CAMKK1: variants seen among roughly 807,000 people sequenced by gnomAD.
The protein encoded by CAMKK1 is calcium/calmodulin-dependent protein kinase kinase 1.
In CAMKK1, 20 loss-of-function variants were observed where a neutral mutation model predicts 63.5. That is an observed-to-expected ratio of 0.32 (90% CI 0.22 to 0.46). The LOEUF (loss-of-function observed/expected upper bound fraction) is 0.46, where lower values mean the gene tolerates loss of function less well. CAMKK1 is among the 20% of genes least tolerant of loss of function. The pLI is 1.00. For missense variants in CAMKK1, 588 were observed against 658.1 expected, an observed-to-expected ratio of 0.89 and a Z score of 1.17; for synonymous variants, 253 against 269.0, an observed-to-expected ratio of 0.94 and a Z score of 0.58.
At chr17:3,881,589 A>T in intron 8 of CAMKK1, 38 bp downstream of exon 8, 9 of 1,559,784 alleles carry the variant, frequency 5.8e-6, no homozygotes, top group Non-Finnish European at 7.8e-6. Context: ...GAAGGCCTGG[A>T]TGAGAATTGA....
chr17:3,862,184 C>T lies in CAMKK1; in HGVS notation c.*27G>A, dbSNP rs557557280. ...TGGAGGCGCGGGATGAGTGTGCTGC[C>T]GGGTGGCCCTGGGTGCATGCAGGGG... On this transcript the variant is annotated 3_prime_UTR_variant, in exon 16 of 16. Coordinates refer to ENST00000348335, the MANE Select transcript of CAMKK1 (RefSeq NM_032294.3). The surrounding 1 kb of genome is among the most constrained non-coding windows in gnomAD (Gnocchi z 4.1). 2.6e-5 allele frequency: 41 copies of T among 1,561,704 alleles called. No individual in the cohort carries two copies. Among genetic ancestry groups the T allele is most frequent in the Non-Finnish European group, 3.2e-5 (37 of 1,152,468 alleles).
In CAMKK1 at chr17:3,889,515, A is replaced by C. The variant is rs577985207; in HGVS notation, c.-44+3424T>G. On this transcript the variant is annotated intron_variant, in intron 1 of 15. Transcript: ENST00000348335. This position sits in a 1 kb window ranked among gnomAD's most constrained non-coding sequence, Gnocchi z 5.2. ...CCTCTTGGAGCCTCTGTTTCCTAAC[A>C]CGTGCATCAAGCAGAAGGCCACTGT... 6.6e-6 allele frequency among the ~76,000 whole-genome samples: 1 copy of C among 152,024 alleles called. No individual in the cohort carries two copies. Among genetic ancestry groups the C allele is most frequent in the Admixed American group, 6.5e-5 (1 of 15,278 alleles).
Position 3,871,479 on chromosome 17 carries a change from C to T in CAMKK1, c.1124+1075G>A, listed in dbSNP as rs554662476. On this transcript the variant is annotated intron_variant, in intron 12 of 15. Coordinates refer to ENST00000348335, the MANE Select transcript of CAMKK1 (RefSeq NM_032294.3). The stretch of plus-strand genomic sequence containing the variant: ...ACGCCGTTCTCCTGCCTCAGCCTCT[C>T]GAGTAGCTGGGACTACAGGCACCCG... 1.1e-4 allele frequency among the ~76,000 whole-genome samples: 17 copies of T among 150,028 alleles called. No individual in the cohort carries two copies. In the South Asian group the frequency reaches 3.4e-3, roughly 30 times the overall value.
At chr17:3,880,960 C>T (rs2055385339) in intron 8 of CAMKK1, among the ~76,000 whole-genome samples, 1 of 152,186 alleles carries the variant, frequency 6.6e-6, no homozygotes, top group Admixed American at 6.5e-5. Flanking sequence ...CTTAAAGGGA[C>T]ACCACTCCCT....
Position 3,869,807 on chromosome 17 carries a change from G to T in CAMKK1, c.1206C>A (p.Asp402Glu). Residue 402 changes from aspartate to glutamate, a missense_variant, in exon 13 of 16, where the codon GAC becomes GAA. Transcript: ENST00000348335. ...AGACCCCCAGTTCCCCGACCTTGAT[G>T]TCTGGCACCCCAATTCTCGTCTCGG... ...KNPETRIGVP[D>E]IKLHPWVTKN... 1 of 1,614,064 alleles carries T rather than the reference G, an allele frequency of 6.2e-7. No homozygotes were observed. The highest frequency in any genetic ancestry group is 2.2e-5 in the East Asian group (1 of 44,886).
At position 3,868,389 on chromosome 17, in the gene CAMKK1, CATCTAACTGATAT is replaced by C. The variant is rs1567613717; in HGVS notation, c.1341+1085_1341+1097del. Among the ~76,000 whole-genome samples the C allele has an allele frequency of 1.7e-4, 25 of 148,866 alleles. 1 individual carries two copies. Among genetic ancestry groups the C allele is most frequent in the South Asian group, 1.1e-3 (5 of 4,676 alleles). The stretch of plus-strand genomic sequence containing the variant: ...GCGGGCGCTGGGGGAGACGCAGGCC[CATCTAACTGATAT>C]GTGGGCTCTGGGGGAGACACAGGTG... On this transcript the variant is annotated intron_variant, in intron 14 of 15. Coordinates refer to ENST00000348335, the MANE Select transcript of CAMKK1 (RefSeq NM_032294.3).
chr17:3,873,303 G>T, intron 11 of CAMKK1, 106 bp downstream of exon 11: 1 of 945,886 alleles, frequency 1.1e-6, no homozygotes, highest in Non-Finnish European at 1.7e-6. Flanking sequence ...GAGCCAGGTG[G>T]GCTCTTTCAA....
chr17:3,871,417 C>T (rs1179685023), intron 12 of CAMKK1, among the ~76,000 whole-genome samples: 15 of 135,170 alleles, frequency 1.1e-4, no homozygotes, highest in East Asian at 6.6e-4. Context: ...TGCAGTAGCA[C>T]GGTCTCAGCT....
intron 12 of CAMKK1, 73 bp from the exon 13 acceptor site, chr17:3,869,961 G>T: frequency 8.0e-7 from 1 of 1,250,746 alleles, no homozygotes; most frequent in South Asian, 1.2e-5. Context: ...CTCTCTTCCC[G>T]AAACCTTCGT....
At chr17:3,869,261 G>T (rs558892705) in intron 14 of CAMKK1, among the ~76,000 whole-genome samples, 2 of 152,080 alleles carry the variant, frequency 1.3e-5, no homozygotes, top group African/African-American at 2.4e-5. Flanking sequence ...CCGGCCCCAC[G>T]CCCGCTATTT....
intron 14 of CAMKK1, among the ~76,000 whole-genome samples, chr17:3,866,941 A>G (rs1365208833): frequency 1.3e-5 from 2 of 152,050 alleles, no homozygotes; most frequent in Admixed American, 6.6e-5. Context: ...GGCTGGTCTC[A>G]AACTCCTGAC....
At chr17:3,866,163 G>T in intron 14 of CAMKK1, 152 bp from the exon 15 acceptor site, 1 of 907,108 alleles carries the variant, frequency 1.1e-6, no homozygotes, top group Non-Finnish European at 1.7e-6. Context: ...CAAGAACACG[G>T]GGCGCTGGCA....
At chr17:3,888,718 C>A (rs2055768148) in intron 1 of CAMKK1, among the ~76,000 whole-genome samples, 3 of 152,212 alleles carry the variant, frequency 2.0e-5, no homozygotes, top group Non-Finnish European at 4.4e-5. Context: ...TGACGTCAGG[C>A]TCCCCATCCC....
At chr17:3,874,389 TCAGA>T (rs1377614542) in intron 10 of CAMKK1, among the ~76,000 whole-genome samples, 3 of 152,272 alleles carry the variant, frequency 2.0e-5, no homozygotes, top group East Asian at 1.9e-4. Flanking sequence ...CTTTTTTTTT[TCAGA>T]CAGAGTCTCA....
chr17:3,869,224 T>C (rs2054724902), intron 14 of CAMKK1, among the ~76,000 whole-genome samples: 1 of 152,112 alleles, frequency 6.6e-6, no homozygotes, highest in Non-Finnish European at 1.5e-5. Context: ...CCCAAAGTGC[T>C]GGGATTACAG....
In CAMKK1 at chr17:3,887,100, G is replaced by A. The variant is rs370200649; in HGVS notation, c.-43-1370C>T. ...GATGTCAGCGAGGCAGGGCTGGCTG[G>A]AGTCCACCGGCCACTGAGGAGCCAG... On this transcript the variant is annotated intron_variant, in intron 1 of 15. Transcript: ENST00000348335. The surrounding 1 kb of genome is among the most constrained non-coding windows in gnomAD (Gnocchi z 6.1). Among the ~76,000 whole-genome samples the A allele has an allele frequency of 1.2e-4, 19 of 152,222 alleles. No individual in the cohort carries two copies. Among genetic ancestry groups the A allele is most frequent in the African/African-American group, 4.3e-4 (18 of 41,530 alleles).
At position 3,880,439 on chromosome 17, in the gene CAMKK1, G is replaced by A; in HGVS notation, c.708-5C>T. The A allele has an allele frequency of 6.2e-7, 1 of 1,612,412 alleles. No homozygotes were observed. Among genetic ancestry groups the A allele is most frequent in the Non-Finnish European group, 8.5e-7 (1 of 1,179,160 alleles). ...CAGGGCACTTCCATGACGGGCCTAT[G>A]GAGAAGGATGCGGGGAGGGGCATTC... On this transcript the variant is annotated splice_polypyrimidine_tract_variant and splice_region_variant and intron_variant, in intron 8 of 15. Coordinates refer to ENST00000348335, the MANE Select transcript of CAMKK1 (RefSeq NM_032294.3).
At chr17:3,871,889 G>A (rs761886551) in intron 12 of CAMKK1, among the ~76,000 whole-genome samples, 1 of 151,860 alleles carries the variant, frequency 6.6e-6, no homozygotes, top group Non-Finnish European at 1.5e-5. Context: ...CAGGTGATCT[G>A]CCCACCTCAG....
In CAMKK1 at chr17:3,875,321, C is replaced by T. The variant is rs184840685; in HGVS notation, c.996+902G>A. Reference sequence around the variant, plus strand: ...TCTTTCTTTCTTCGAGACAAGGTGTCGCTCAGTCACTCAGGCTAGACACCA... The same window carrying T: ...TCTTTCTTTCTTCGAGACAAGGTGTTGCTCAGTCACTCAGGCTAGACACCA... On this transcript the variant is annotated intron_variant, in intron 10 of 15. Transcript: ENST00000348335. 5.0e-3 allele frequency among the ~76,000 whole-genome samples: 757 copies of T among 152,208 alleles called. 1 individual carries two copies. The highest frequency in any genetic ancestry group is 0.017 in the African/African-American group (716 of 41,508).
Sources: gnomAD v4.1 joint callset for allele counts (sites outside exome capture counted in the v4.1 genomes callset) on GRCh38, gnomAD v4.1.1 for gene constraint, Gnocchi (gnomAD v3.1) non-coding constraint, MANE v1.5 for transcripts, NCBI Gene and HGNC (gene_info 2026-07-23, HGNC 2026-07-21) for gene names.